The following NVL variants were observed in gnomAD, a reference collection of about 807,000 sequenced individuals.
NVL encodes the protein nuclear VCP like.
NVL carries 84 observed loss-of-function variants against 110.2 expected under a neutral mutation model. That is an observed-to-expected ratio of 0.76 (90% confidence interval 0.64 to 0.91). NVL has a LOEUF of 0.91. Among genes scored for constraint, NVL ranks in the 40% least tolerant of loss-of-function variants. The pLI, the probability that NVL is intolerant of heterozygous loss-of-function variation, is 0.00. For synonymous variants in NVL, 354 were observed against 361.1 expected, an observed-to-expected ratio of 0.98 and a Z score of 0.22; for missense variants, 882 against 1,035.9, an observed-to-expected ratio of 0.85 and a Z score of 2.04.
chr1:224,324,194 A>G (rs1031722774), intron 2 of NVL, among the ~76,000 whole-genome samples: 5 of 152,186 alleles, frequency 3.3e-5, no homozygotes, highest in Admixed American at 2.6e-4. Context: ...TTGTGTTTTT[A>G]AACATATCTA....
At chr1:224,264,682 C>T (rs1664312277) in intron 18 of NVL, among the ~76,000 whole-genome samples, 1 of 152,152 alleles carries the variant, frequency 6.6e-6, no homozygotes, top group South Asian at 2.1e-4. Flanking sequence ...TGATAGTATA[C>T]AATGGAGCAG....
intron 6 of NVL, 134 bp downstream of exon 6, chr1:224,307,857 G>T: frequency 1.3e-6 from 1 of 741,158 alleles, no homozygotes; most frequent in Non-Finnish European, 2.0e-6. Context: ...GCAGTGCAAT[G>T]TGATCAAATT....
chr1:224,265,504 AAAAT>A (rs1178638065), intron 18 of NVL, among the ~76,000 whole-genome samples: 1 of 152,104 alleles, frequency 6.6e-6, no homozygotes, highest in Admixed American at 6.6e-5. Context: ...ACTCTGTCTC[AAAAT>A]AAATAAATAA....
chr1:224,274,233 G>A (rs143704645), intron 17 of NVL, among the ~76,000 whole-genome samples: 1,734 of 151,526 alleles, frequency 0.011, 38 homozygotes, highest in African/African-American at 0.039. Context: ...AGAGGTTGCA[G>A]TGAGCCGAGA....
chr1:224,275,468 C>T lies in NVL; in HGVS notation c.1963-10G>A, dbSNP rs377105167. Reference sequence around the variant, plus strand: ...CACTCTCACCAACATACTAAACATACACAGAAAGGAAATAAAATACCAACA... The same window carrying T: ...CACTCTCACCAACATACTAAACATATACAGAAAGGAAATAAAATACCAACA... On this transcript the variant is annotated splice_polypyrimidine_tract_variant and intron_variant, in intron 16 of 22. Transcript: ENST00000281701. 23 of 1,613,848 alleles carry T rather than the reference C, an allele frequency of 1.4e-5. No homozygotes were observed. The African/African-American group carries it at 2.7e-4, about 19-fold the overall frequency.
intron 19 of NVL, among the ~76,000 whole-genome samples, chr1:224,241,135 CCT>C (rs1661152634): frequency 6.6e-6 from 1 of 152,058 alleles, no homozygotes; most frequent in Non-Finnish European, 1.5e-5. Context: ...ACCTAGGATA[CCT>C]CCAAAAGTTT....
At chr1:224,289,336 C>T (rs778925566) in intron 13 of NVL, 148 bp downstream of exon 13, 5 of 629,124 alleles carry the variant, frequency 7.9e-6, no homozygotes, top group Non-Finnish European at 1.3e-5. Flanking sequence ...AAATGATAAA[C>T]ATCGTGGGTA....
chr1:224,326,422 C>G lies in NVL; in HGVS notation c.100G>C (p.Val34Leu). 1 of 1,612,584 alleles carries G rather than the reference C, an allele frequency of 6.2e-7. No individual in the cohort carries two copies. Among genetic ancestry groups the G allele is most frequent in the East Asian group, 2.2e-5 (1 of 44,802 alleles). ...ACTCTTTGTAAATCAGACGCTAAGA[C>G]TCCAATGTCCACATATTTGCCACAT... Reference protein sequence around the residue: ...NKCGKYVDIGVLASDLQRVYS... With the variant: ...NKCGKYVDIGLLASDLQRVYS... The change falls in exon 2 of 23, where the codon GTC becomes CTC. Residue 34 changes from valine to leucine, a missense_variant. By Grantham distance (32) the Val-to-Leu change is conservative (BLOSUM62 1). Coordinates refer to ENST00000281701, the MANE Select transcript of NVL (RefSeq NM_002533.4).
At chr1:224,236,456 G>A (rs757373534) in intron 20 of NVL, 50 bp downstream of exon 20, 2 of 1,383,776 alleles carry the variant, frequency 1.4e-6, no homozygotes, top group African/African-American at 1.4e-5. Flanking sequence ...TTTTATAGAT[G>A]AGGAAATTGA....
chr1:224,286,343 C>A (rs1456107196), intron 14 of NVL, among the ~76,000 whole-genome samples: 1 of 151,816 alleles, frequency 6.6e-6, no homozygotes, highest in East Asian at 1.9e-4. Flanking sequence ...GTAGCTGGGA[C>A]TACAGGCACA....
intron 19 of NVL, among the ~76,000 whole-genome samples, chr1:224,245,026 T>A (rs1274366051): frequency 1.3e-5 from 2 of 152,132 alleles, no homozygotes; most frequent in African/African-American, 4.8e-5. Context: ...CCAAAAGATA[T>A]GAAGAAGTTG....
intron 16 of NVL, among the ~76,000 whole-genome samples, chr1:224,276,969 GTTTTATGACACATAAAACTAGTTTTATGA>G (rs1665832326): frequency 2.5e-5 from 1 of 40,750 alleles, no homozygotes; most frequent in South Asian, 7.9e-4. Flanking sequence ...CATAAAACTA[GTTTTATGACACATAAAACTAGTTTTATGA>G]CACATAAAAC....
intron 4 of NVL, chr1:224,313,170 A>AG: frequency 7.1e-6 from 2 of 282,058 alleles, no homozygotes; most frequent in South Asian, 5.9e-5. Flanking sequence ...AAAAAAAAAA[A>AG]AAAAAAAAAA....
At chr1:224,323,859 T>C (rs1670894378) in intron 2 of NVL, among the ~76,000 whole-genome samples, 1 of 152,214 alleles carries the variant, frequency 6.6e-6, no homozygotes, top group African/African-American at 2.4e-5. Context: ...TTTGCCCTGC[T>C]TGGTTTTAGA....
rs117969617 is a variant in NVL, at chr1:224,261,216, G to A, written c.2182+6818C>T. ...AGATGGGGTCTTGCTTTGTTGCCCAGGCTAATCTTGAACTCCTAGCCTTAA... is the reference window on the plus strand; with the variant it reads ...AGATGGGGTCTTGCTTTGTTGCCCAAGCTAATCTTGAACTCCTAGCCTTAA... On this transcript the variant is annotated intron_variant, in intron 18 of 22. Transcript: ENST00000281701. Among the ~76,000 whole-genome samples the A allele has an allele frequency of 5.9e-5, 9 of 151,726 alleles. No homozygotes were observed. The East Asian group carries it at 1.8e-3, about 30-fold the overall frequency.
chr1:224,235,863 G>T (rs1315166501), intron 20 of NVL, among the ~76,000 whole-genome samples: 2 of 151,122 alleles, frequency 1.3e-5, no homozygotes, highest in Non-Finnish European at 2.9e-5. Flanking sequence ...AGCCCAGGAA[G>T]TCAAGGCTAC....
At position 224,290,203 on chromosome 1, in the gene NVL, A is replaced by G. The variant is rs576318285; in HGVS notation, c.1326-470T>C. 5.9e-5 allele frequency among the ~76,000 whole-genome samples: 9 copies of G among 152,290 alleles called. No homozygotes were observed. In the East Asian group the frequency reaches 1.5e-3, roughly 26 times the overall value. On this transcript the variant is annotated intron_variant, in intron 12 of 22. Transcript: ENST00000281701. ...TACAACTCCAACTTTATCTTTACCT[A>G]TTGTTCATCCCCTGTACTACATGTG... is the stretch of plus-strand genomic sequence containing the variant.
rs183087728 is a variant in NVL, at chr1:224,310,754, T to G, written c.342+1046A>C. Among the ~76,000 whole-genome samples the G allele has an allele frequency of 2.9e-3, 436 of 151,608 alleles. 3 individuals carry two copies. Among genetic ancestry groups the G allele is most frequent in the South Asian group, 0.016 (76 of 4,784 alleles). On this transcript the variant is annotated intron_variant, in intron 5 of 22. Coordinates refer to ENST00000281701, the MANE Select transcript of NVL (RefSeq NM_002533.4). ...CCTTCTCCTCTCTCTCTCTCTCTTT[T>G]GCAATAAGGTCTGTCGCCCAGGCTG... is the stretch of plus-strand genomic sequence containing the variant.
intron 18 of NVL, among the ~76,000 whole-genome samples, chr1:224,253,502 A>C (rs1662757755): frequency 6.6e-6 from 1 of 151,594 alleles, no homozygotes. Flanking sequence ...TGGGAGGCTG[A>C]GGCGGGAGGA....
Sources: allele counts gnomAD v4.1 joint callset (sites outside exome capture counted in the v4.1 genomes callset), GRCh38; gene constraint gnomAD v4.1.1; transcripts MANE v1.5; gene names NCBI Gene and HGNC (gene_info 2026-07-23, HGNC 2026-07-21).